DGKE: variants seen among roughly 807,000 people sequenced by gnomAD.
DGKE encodes DAG kinase epsilon.
Under a neutral mutation model 70.0 loss-of-function variants are expected in DGKE, and 53 were observed. The observed-to-expected ratio is 0.76, with a 90% CI of 0.61 to 0.95. DGKE has a LOEUF of 0.95. Ranked by LOEUF, DGKE falls within the 40% of genes least tolerant of loss-of-function variation. The pLI is 0.00. For missense variants in DGKE, 655 were observed against 706.9 expected (o/e 0.93, Z 0.83); for synonymous variants, 291 against 257.0 (o/e 1.13, Z -1.27).
Position 56,861,863 on chromosome 17 carries a change from G to A in DGKE, c.1357G>A (p.Gly453Ser). 1 of 1,613,954 alleles carries A rather than the reference G, an allele frequency of 6.2e-7. No individual in the cohort carries two copies. The highest frequency in any genetic ancestry group is 8.5e-7 in the Non-Finnish European group (1 of 1,179,966). The change falls in exon 10 of 12, where the codon GGC (glycine) becomes AGC (serine). Residue 453 changes from glycine (G) to serine (S), a missense_variant. Transcript: ENST00000284061. ...GIIVLNIGYW[G>S]GGCRLWEGMG... ...TATAGTTCTGAACATCGGATACTGG[G>A]GCGGTGGCTGCAGACTATGGGAAGG...
chr17:56,863,740 G>C lies in DGKE; in HGVS notation c.*949G>C, dbSNP rs887232592. On this transcript the variant is annotated 3_prime_UTR_variant, in exon 12 of 12. Transcript: ENST00000284061. ...TTTAACAGAATTTCCCCTTAGGGAG[G>C]TAAGTGGACAGAAATCTTTGCTAAA... 9.2e-5 allele frequency: 14 copies of C among 152,304 alleles called. No homozygotes were observed. The highest frequency in any genetic ancestry group is 3.4e-4 in the African/African-American group (14 of 41,572). 9.4% of individuals were successfully genotyped at this position (152,304 alleles called of 1,614,324 possible).
chr17:56,843,879 T>A, intron 2 of DGKE, 140 bp from the exon 3 acceptor site: 1 of 715,054 alleles, frequency 1.4e-6, no homozygotes, highest in Non-Finnish European at 2.1e-6. Flanking sequence ...GTGCAGATAG[T>A]GCATATATTT....
At chr17:56,851,156 T>C (rs983543267) in intron 7 of DGKE, among the ~76,000 whole-genome samples, 1 of 152,002 alleles carries the variant, frequency 6.6e-6, no homozygotes, top group Non-Finnish European at 1.5e-5. Context: ...CAGAGAGCAG[T>C]AGTATAGAGT....
chr17:56,839,015 AG>A (rs149128385), intron 2 of DGKE, among the ~76,000 whole-genome samples: 2,500 of 152,320 alleles, frequency 0.016, 65 homozygotes, highest in African/African-American at 0.057. Flanking sequence ...AATTACAGTA[AG>A]ATGTTAATGG....
chr17:56,846,084 T>G, intron 4 of DGKE: 1 of 148,622 alleles, frequency 6.7e-6, no homozygotes, highest in Non-Finnish European at 1.2e-5. Context: ...CCAAGGGAAG[T>G]GAAAACATAT....
In DGKE at chr17:56,848,738, G is replaced by A. The variant is rs1204390591; in HGVS notation, c.931G>A (p.Gly311Arg). The A allele has an allele frequency of 6.2e-7, 1 of 1,614,084 alleles. No individual in the cohort carries two copies. Among genetic ancestry groups the A allele is most frequent in the South Asian group, 1.1e-5 (1 of 91,078 alleles). The part of the protein sequence containing the change: ...YIPQVAVLPL[G>R]TGNDLSNTLG... ...TCCACAAGTTGCAGTTTTGCCTCTG[G>A]GAACAGGCAACGATCTATCCAATAC... Residue 311 changes from glycine (G) to arginine (R), a missense_variant, in exon 6 of 12, where the codon GGA becomes AGA. Physicochemically the swap from Gly to Arg is moderately radical, Grantham distance 125. Coordinates refer to ENST00000284061, the MANE Select transcript of DGKE (RefSeq NM_003647.3).
chr17:56,860,157 T>C (rs1157814876), intron 9 of DGKE, among the ~76,000 whole-genome samples: 1 of 152,192 alleles, frequency 6.6e-6, no homozygotes, highest in Non-Finnish European at 1.5e-5. Context: ...TTTATTTATA[T>C]ACCTACAAAA....
chr17:56,866,449 T>C lies in DGKE; in HGVS notation c.*3658T>C, dbSNP rs1908527514. 2.6e-5 allele frequency: 4 copies of C among 152,386 alleles called. No individual in the cohort carries two copies. The highest frequency in any genetic ancestry group is 2.1e-4 in the South Asian group (1 of 4,830). 9.4% of individuals were successfully genotyped at this position (152,386 alleles called of 1,614,324 possible). A position where few individuals can be genotyped will look rare whatever the true frequency, so the allele number is the denominator to read the frequency against. On this transcript the variant is annotated 3_prime_UTR_variant, in exon 12 of 12. Coordinates refer to ENST00000284061, the MANE Select transcript of DGKE (RefSeq NM_003647.3). ...AGGGCTTTTGCTAGGTGGGATACCA[T>C]GCCGAAAAATTGAATTAATTGTATG... is the stretch of plus-strand genomic sequence containing the variant.
chr17:56,834,994 C>T lies in DGKE; in HGVS notation c.199C>T (p.Leu67=), dbSNP rs1166334413. The T allele has an allele frequency of 9.3e-6, 15 of 1,612,792 alleles. No homozygotes were observed. The highest frequency in any genetic ancestry group is 1.3e-5 in the Non-Finnish European group (15 of 1,180,000). ...KSKHGWRDTD[L]FSQPTYCCVC... ...CAAGCACGGGTGGCGCGACACGGAC[C>T]TGTTCAGCCAGCCCACCTACTGCTG... The change falls in exon 2 of 12, where the codon CTG becomes TTG. Residue 67 remains leucine, a synonymous_variant. Coordinates refer to ENST00000284061, the MANE Select transcript of DGKE (RefSeq NM_003647.3).
chr17:56,834,249 C>G lies in DGKE; in HGVS notation c.-30C>G, dbSNP rs976003458. 3.3e-5 allele frequency: 5 copies of G among 152,558 alleles called. 1 individual carries two copies. Among genetic ancestry groups the G allele is most frequent in the Non-Finnish European group, 7.3e-5 (5 of 68,292 alleles). The allele number at this position is 152,558 out of a possible 1,614,324, so 9.5% of individuals were successfully genotyped here. On this transcript the variant is annotated 5_prime_UTR_variant, in exon 1 of 12. Transcript: ENST00000284061. ...GCCTGCTGGCCCGGAGCCGCGCCTC[C>G]ACCCGCGCGAGGTAGGGCTTCGAGG...
At position 56,865,665 on chromosome 17, in the gene DGKE, CAT is replaced by C. The variant is rs984902541; in HGVS notation, c.*2878_*2879del. 28 of 151,912 alleles carry C rather than the reference CAT, an allele frequency of 1.8e-4. No individual in the cohort carries two copies. The highest frequency in any genetic ancestry group is 3.3e-4 in the Admixed American group (5 of 15,266). The allele number at this position is 151,912 out of a possible 1,614,324, so 9.4% of individuals were successfully genotyped here. Reference sequence around the variant, plus strand: ...TTATTTTTTTAGAGTATGTCAAAAACATATAGTGTTTGCTTTGTGAAATACAT... The same window carrying C: ...TTATTTTTTTAGAGTATGTCAAAAACATAGTGTTTGCTTTGTGAAATACAT... On this transcript the variant is annotated 3_prime_UTR_variant, in exon 12 of 12. Coordinates refer to ENST00000284061, the MANE Select transcript of DGKE (RefSeq NM_003647.3).
intron 2 of DGKE, among the ~76,000 whole-genome samples, chr17:56,838,989 A>G (rs1040964422): frequency 8.5e-5 from 13 of 152,164 alleles, no homozygotes; most frequent in Non-Finnish European, 1.6e-4. Context: ...ATTAATGGAT[A>G]GAAATGTGAC....
rs368992473 is a variant in DGKE, at chr17:56,843,797, C to CAAAA, written c.465-208_465-205dup. Among the ~76,000 whole-genome samples the CAAAA allele has an allele frequency of 2.1e-3, 232 of 109,384 alleles. 12 individuals carry two copies. Among genetic ancestry groups the CAAAA allele is most frequent in the Middle Eastern group, 5.1e-3 (1 of 196 alleles). 71.8% of individuals were successfully genotyped at this position (109,384 alleles called of 152,430 possible). ...TGGTGGACAGAGTGAGACCCTGTCTCAAAAAAAAAAAAAAAAAGTGCTGTT... is the reference window on the plus strand; with the variant it reads ...TGGTGGACAGAGTGAGACCCTGTCTCAAAAAAAAAAAAAAAAAAAAAGTGCTGTT... On this transcript the variant is annotated intron_variant, in intron 2 of 11. Transcript: ENST00000284061.
chr17:56,862,844 G>A lies in DGKE; in HGVS notation c.*53G>A. On this transcript the variant is annotated 3_prime_UTR_variant, in exon 12 of 12. Coordinates refer to ENST00000284061, the MANE Select transcript of DGKE (RefSeq NM_003647.3). ...AGAATCCTCACGCAAGTAGATACAT[G>A]TTCATCCAAAAGTATTAATAGAAAT... is the stretch of plus-strand genomic sequence containing the variant. 1 of 1,375,576 alleles carries A rather than the reference G, an allele frequency of 7.3e-7. No individual in the cohort carries two copies. The highest frequency in any genetic ancestry group is 9.5e-7 in the Non-Finnish European group (1 of 1,057,600). 85.2% of individuals were successfully genotyped at this position (1,375,576 alleles called of 1,614,324 possible).
chr17:56,840,365 T>TTTG lies in DGKE; in HGVS notation c.465-3630_465-3628dup, dbSNP rs753507975. ...TGGGTAGATTAATGCAGTAGTTTGT[T>TTTG]TTGTTGTTGTTGTTGTTGTTGTTGT... is the stretch of plus-strand genomic sequence containing the variant. On this transcript the variant is annotated intron_variant, in intron 2 of 11. Coordinates refer to ENST00000284061, the MANE Select transcript of DGKE (RefSeq NM_003647.3). 6.7e-3 allele frequency among the ~76,000 whole-genome samples: 1,013 copies of TTTG among 151,730 alleles called. 7 individuals carry two copies. Among genetic ancestry groups the TTTG allele is most frequent in the Admixed American group, 0.013 (199 of 15,208 alleles).
intron 2 of DGKE, chr17:56,838,750 A>C (rs1429044127): frequency 6.6e-6 from 1 of 152,098 alleles, no homozygotes; most frequent in East Asian, 1.9e-4. Flanking sequence ...ATATTTTCAT[A>C]TGAAGGAACT....
intron 1 of DGKE, among the ~76,000 whole-genome samples, 194 bp downstream of exon 1, chr17:56,834,454 G>A (rs1426715094): frequency 1.3e-5 from 2 of 152,372 alleles, no homozygotes; most frequent in Admixed American, 1.3e-4. Context: ...TTCGGTGGAG[G>A]GCAGCTTGCC....
At chr17:56,851,908 CA>C (rs978716622) in intron 7 of DGKE, among the ~76,000 whole-genome samples, 3 of 152,056 alleles carry the variant, frequency 2.0e-5, no homozygotes, top group Non-Finnish European at 4.4e-5. Context: ...GAAAATACAA[CA>C]AAAAGCAAAG....
At chr17:56,862,486 T>C (rs187019645) in intron 11 of DGKE, 126 bp from the exon 12 acceptor site, 109 of 958,846 alleles carry the variant, frequency 1.1e-4, no homozygotes, top group Non-Finnish European at 1.5e-4. Context: ...TAAAAACATA[T>C]TCAGATTAAT....
Sources: allele counts gnomAD v4.1 joint callset (sites outside exome capture counted in the v4.1 genomes callset), GRCh38; gene constraint gnomAD v4.1.1; transcripts MANE v1.5; gene names NCBI Gene and HGNC (gene_info 2026-07-23, HGNC 2026-07-21).